SVOPL: variants seen among roughly 807,000 people sequenced by gnomAD.
SVOPL encodes SVOP like.
SVOPL carries 60 observed loss-of-function variants against 61.0 expected under a neutral mutation model. The ratio of observed to expected loss-of-function variants is 0.98; its 90% CI spans 0.80 to 1.22. The LOEUF (loss-of-function observed/expected upper bound fraction) is 1.22, where lower values mean the gene tolerates loss of function less well. SVOPL is among the 50% of genes most tolerant of loss of function. The pLI is 0.00. For missense variants in SVOPL, 662 were observed against 643.9 expected (o/e 1.03, Z -0.30); for synonymous variants, 279 against 250.0 (o/e 1.12, Z -1.09).
At chr7:138,653,263 T>C (rs1365483563) in intron 7 of SVOPL, among the ~76,000 whole-genome samples, 2 of 152,188 alleles carry the variant, frequency 1.3e-5, no homozygotes. Context: ...CCAGGAGATC[T>C]AGCTAAGATC....
intron 14 of SVOPL, among the ~76,000 whole-genome samples, chr7:138,620,139 T>TTTTTTTTTTTTTTTG: frequency 6.8e-6 from 1 of 147,014 alleles, no homozygotes; most frequent in African/African-American, 2.5e-5. Context: ...TTTTTTTTTT[T>TTTTTTTTTTTTTTTG]TGAGATAGAG....
intron 1 of SVOPL, among the ~76,000 whole-genome samples, chr7:138,679,778 A>G (rs962143854): frequency 1.3e-5 from 2 of 152,224 alleles, no homozygotes; most frequent in African/African-American, 4.8e-5. Flanking sequence ...GGAAGCCATT[A>G]CTATTATTAC....
intron 14 of SVOPL, among the ~76,000 whole-genome samples, chr7:138,612,760 C>T (rs1799111262): frequency 6.6e-6 from 1 of 152,098 alleles, no homozygotes; most frequent in South Asian, 2.1e-4. Context: ...GATGATCAAT[C>T]AGCCTCGGCC....
At chr7:138,671,214 A>G (rs1802407222) in intron 4 of SVOPL, among the ~76,000 whole-genome samples, 1 of 151,932 alleles carries the variant, frequency 6.6e-6, no homozygotes, top group East Asian at 2.0e-4. Flanking sequence ...TCCCATCACT[A>G]CCCCTTTCTC....
intron 14 of SVOPL, among the ~76,000 whole-genome samples, chr7:138,617,268 C>G (rs930301072): frequency 2.6e-5 from 4 of 152,102 alleles, no homozygotes; most frequent in African/African-American, 7.2e-5. Context: ...CTGTGCCCAG[C>G]CTGAAACATT....
intron 3 of SVOPL, among the ~76,000 whole-genome samples, chr7:138,675,248 AAAG>A (rs1802530032): frequency 7.7e-6 from 1 of 129,378 alleles, no homozygotes; most frequent in Admixed American, 7.8e-5. Context: ...AAAAAAGAAA[AAAG>A]AAAAAAAGAA....
At chr7:138,623,618 T>C (rs1372840533) in intron 13 of SVOPL, among the ~76,000 whole-genome samples, 2 of 151,772 alleles carry the variant, frequency 1.3e-5, no homozygotes, top group Non-Finnish European at 2.9e-5. Flanking sequence ...AAAAATAAAA[T>C]CAAATAAAAT....
In SVOPL at chr7:138,664,062, C is replaced by T. The variant is rs1203750153; in HGVS notation, c.274-917G>A. 1.6e-5 allele frequency: 5 copies of T among 314,670 alleles called. No homozygotes were observed. The South Asian group carries it at 5.0e-4, about 31-fold the overall frequency. 19.5% of individuals were successfully genotyped at this position (314,670 alleles called of 1,614,324 possible). On this transcript the variant is annotated intron_variant, in intron 4 of 15. Transcript: ENST00000674285. The stretch of plus-strand genomic sequence containing the variant: ...TTTCTAGGACAGAAACGTTCCGTAA[C>T]CCTGTTTGACAGACTGCAGAGACAG...
At chr7:138,611,908 A>T (rs1303862803) in intron 14 of SVOPL, among the ~76,000 whole-genome samples, 7 of 27,958 alleles carry the variant, frequency 2.5e-4, no homozygotes, top group African/African-American at 8.0e-4. Context: ...CCAACAGCTC[A>T]TTGAGAACGG....
At chr7:138,661,363 T>C in intron 5 of SVOPL, 5 of 985,418 alleles carry the variant, frequency 5.1e-6, no homozygotes, top group Non-Finnish European at 6.0e-6. Flanking sequence ...CACACTCTAA[T>C]ATGTTTTAAC....
intron 9 of SVOPL, among the ~76,000 whole-genome samples, chr7:138,633,188 A>G (rs956287035): frequency 2.6e-5 from 4 of 152,222 alleles, no homozygotes; most frequent in Non-Finnish European, 1.5e-5. Flanking sequence ...TAAAAAATAA[A>G]CTAGAATAAT....
chr7:138,600,258 G>A (rs1798458883), intron 14 of SVOPL, among the ~76,000 whole-genome samples: 1 of 152,138 alleles, frequency 6.6e-6, no homozygotes. Context: ...TGCAAATTAA[G>A]ACAAGATATA....
At chr7:138,637,463 T>TATATATATAG (rs1554463004) in intron 9 of SVOPL, among the ~76,000 whole-genome samples, 14 of 19,108 alleles carry the variant, frequency 7.3e-4, no homozygotes, top group Admixed American at 4.5e-3. Flanking sequence ...TAGATATATA[T>TATATATATAG]ATATAGATAT....
chr7:138,605,283 C>G (rs1255215994), intron 14 of SVOPL, among the ~76,000 whole-genome samples: 1 of 151,624 alleles, frequency 6.6e-6, no homozygotes, highest in Non-Finnish European at 1.5e-5. Context: ...AGTGCCAGGA[C>G]TCCCTCTTTC....
At chr7:138,603,670 T>TA (rs1239548266) in intron 14 of SVOPL, among the ~76,000 whole-genome samples, 4 of 152,116 alleles carry the variant, frequency 2.6e-5, no homozygotes, top group Non-Finnish European at 5.9e-5. Flanking sequence ...AGACTCTGTC[T>TA]AAAAAACAGA....
At chr7:138,657,742 C>A (rs1363316644) in intron 6 of SVOPL, among the ~76,000 whole-genome samples, 1 of 152,060 alleles carries the variant, frequency 6.6e-6, no homozygotes, top group African/African-American at 2.4e-5. Context: ...TTACTGTATG[C>A]CCCAGGGAAG....
chr7:138,660,389 T>C (rs1801951971), intron 5 of SVOPL: 1 of 989,550 alleles, frequency 1.0e-6, no homozygotes. Context: ...GATAAATTCA[T>C]AGTAAACAAT....
rs979230692 is a variant in SVOPL, at chr7:138,596,449, G to C, written c.1435C>G (p.Leu479Val). The change falls in exon 15 of 16, where the codon CTC becomes GTC. Residue 479 changes from leucine to valine, a missense_variant. Coordinates refer to ENST00000674285, the MANE Select transcript of SVOPL (RefSeq NM_001139456.2). ...CVVCAISAFT[L>V]PIETKGRALQ... ...GCCCGTCCTTTGGTTTCGATGGGGAGAGTGAATGCAGAAATGGCGCATACA... is the reference window on the plus strand; with the variant it reads ...GCCCGTCCTTTGGTTTCGATGGGGACAGTGAATGCAGAAATGGCGCATACA... 6.2e-7 allele frequency: 1 copy of C among 1,613,922 alleles called. No individual in the cohort carries two copies. The highest frequency in any genetic ancestry group is 8.5e-7 in the Non-Finnish European group (1 of 1,179,926).
Position 138,667,191 on chromosome 7 carries a change from A to G in SVOPL, c.274-4046T>C, listed in dbSNP as rs532180176. On this transcript the variant is annotated intron_variant, in intron 4 of 15. Coordinates refer to ENST00000674285, the MANE Select transcript of SVOPL (RefSeq NM_001139456.2). ...ACACCAAAGAGGAGGTTAAGCCTGA[A>G]GACAGACTAATGCAACACTAGCCAT... Among the ~76,000 whole-genome samples the G allele has an allele frequency of 2.6e-5, 4 of 152,336 alleles. No homozygotes were observed. The East Asian group carries it at 7.7e-4, about 29-fold the overall frequency.
Sources: gnomAD v4.1 joint callset for allele counts (sites outside exome capture counted in the v4.1 genomes callset) on GRCh38, gnomAD v4.1.1 for gene constraint, MANE v1.5 for transcripts, NCBI Gene and HGNC (gene_info 2026-07-23, HGNC 2026-07-21) for gene names.